The following ANXA4 variants were observed in gnomAD, a reference collection of about 807,000 sequenced individuals.
ANXA4 encodes the protein annexin A4.
A neutral mutation model predicts 49.8 loss-of-function variants in ANXA4; 39 were observed. That is an observed-to-expected ratio of 0.78 (90% confidence interval 0.61 to 1.02). The LOEUF is 1.02. Among genes scored for constraint, ANXA4 ranks in the 50% least tolerant of loss-of-function variants. The probability of loss-of-function intolerance (pLI) is 0.00; values close to 1 mark genes in which losing one functional copy is unlikely to be tolerated. For missense variants in ANXA4, 360 were observed against 410.1 expected, an observed-to-expected ratio of 0.88 and a Z score of 1.05; for synonymous variants, 134 against 152.5, an observed-to-expected ratio of 0.88 and a Z score of 0.89.
intron 2 of ANXA4, among the ~76,000 whole-genome samples, chr2:69,662,882 A>G (rs1676773305): frequency 6.6e-6 from 1 of 152,110 alleles, no homozygotes; most frequent in Non-Finnish European, 1.5e-5. Flanking sequence ...AAAATATAAA[A>G]TACTCATGTA....
At chr2:69,819,255 TTTC>T (rs780360988) in intron 10 of ANXA4, 22 bp from the exon 11 acceptor site, 11 of 1,552,510 alleles carry the variant, frequency 7.1e-6, no homozygotes, top group East Asian at 2.3e-5. Context: ...AATCTTTTCA[TTTC>T]TTCTTTTTTT....
At chr2:69,810,545 T>C in intron 6 of ANXA4, 49 bp from the exon 7 acceptor site, 2 of 1,505,176 alleles carry the variant, frequency 1.3e-6, no homozygotes, top group Non-Finnish European at 1.8e-6. Flanking sequence ...TGACAGGGCA[T>C]TGGGCAAGAC....
intron 2 of ANXA4, chr2:69,713,550 A>G (rs1678751250): frequency 6.6e-6 from 1 of 152,234 alleles, no homozygotes; most frequent in Admixed American, 6.5e-5. Flanking sequence ...CAATTTAAAA[A>G]GTAAAGTCAA....
chr2:69,748,303 C>T (rs535439681), intron 1 of ANXA4, among the ~76,000 whole-genome samples: 1 of 151,302 alleles, frequency 6.6e-6, no homozygotes, highest in Admixed American at 6.6e-5. Context: ...GGTGTGAACC[C>T]GGGAGGCAGA....
upstream of ANXA4, among the ~76,000 whole-genome samples, chr2:69,740,912 G>A (rs1350816628): frequency 2.2e-5 from 3 of 137,124 alleles, no homozygotes; most frequent in African/African-American, 8.3e-5. Flanking sequence ...GGCTTATCTC[G>A]AACTCCTGGG....
chr2:69,776,663 G>A (rs543925790), intron 1 of ANXA4, among the ~76,000 whole-genome samples: 5 of 152,178 alleles, frequency 3.3e-5, no homozygotes, highest in South Asian at 2.1e-4. Context: ...CCAATCTTTC[G>A]GCTTCCCTGG....
chr2:69,690,009 C>T (rs1157899296), intron 2 of ANXA4, among the ~76,000 whole-genome samples: 1 of 151,776 alleles, frequency 6.6e-6, no homozygotes, highest in Non-Finnish European at 1.5e-5. Flanking sequence ...TTTTTTCTAC[C>T]TTGTTTTGTT....
rs144076445 is a variant in ANXA4, at chr2:69,768,722, CT to C, written c.-46-12796del. Among the ~76,000 whole-genome samples, 1,082 of 152,282 alleles carry C rather than the reference CT, an allele frequency of 7.1e-3. 5 individuals carry two copies. Among genetic ancestry groups the C allele is most frequent in the East Asian group, 0.05 (260 of 5,188 alleles). On this transcript the variant is annotated intron_variant, in intron 1 of 12. Transcript: ENST00000394295. Reference sequence around the variant, plus strand: ...ATAATCAGCATTACTACCACATCAGCTTCTTGTTTCTCAGGTCACTGGACTG... The same window carrying C: ...ATAATCAGCATTACTACCACATCAGCTCTTGTTTCTCAGGTCACTGGACTG...
intron 2 of ANXA4, among the ~76,000 whole-genome samples, chr2:69,787,529 G>T (rs1304005982): frequency 6.6e-6 from 1 of 152,200 alleles, no homozygotes; most frequent in Admixed American, 6.5e-5. Flanking sequence ...GGCTTGACTG[G>T]ATTCAGGTTT....
At chr2:69,761,645 G>A (rs1468496080) in intron 1 of ANXA4, among the ~76,000 whole-genome samples, 1 of 152,094 alleles carries the variant, frequency 6.6e-6, no homozygotes, top group Non-Finnish European at 1.5e-5. Flanking sequence ...ACGTAGCTGG[G>A]TGCAGTGGCT....
intron 1 of ANXA4, among the ~76,000 whole-genome samples, chr2:69,766,757 G>A (rs1009774738): frequency 1.3e-5 from 2 of 152,166 alleles, no homozygotes; most frequent in African/African-American, 4.8e-5. Context: ...CCTTGGGTCA[G>A]CTGACAGAAC....
chr2:69,718,788 T>TAC (rs1283067258), intron 2 of ANXA4, among the ~76,000 whole-genome samples: 7 of 149,172 alleles, frequency 4.7e-5, no homozygotes, highest in African/African-American at 1.8e-4. Flanking sequence ...CACACATGCA[T>TAC]ACACATACGT....
intron 2 of ANXA4, among the ~76,000 whole-genome samples, chr2:69,696,798 G>A (rs1406304684): frequency 6.6e-6 from 1 of 152,184 alleles, no homozygotes; most frequent in African/African-American, 2.4e-5. Context: ...GCATTGTCAA[G>A]AAGCAGTAAT....
rs868087613 is a variant in ANXA4, at chr2:69,771,135, A to G, written c.-46-10385A>G. Among the ~76,000 whole-genome samples, 8 of 151,944 alleles carry G rather than the reference A, an allele frequency of 5.3e-5. No homozygotes were observed. In the South Asian group the frequency reaches 8.3e-4, roughly 16 times the overall value. ...AAAAAAAAAAAAAAAAGAAAGGAAA[A>G]ATATTATTTAGGCAAAAATCCTCAT... On this transcript the variant is annotated intron_variant, in intron 1 of 12. Coordinates refer to ENST00000394295, the MANE Select transcript of ANXA4 (RefSeq NM_001153.5).
intron 1 of ANXA4, among the ~76,000 whole-genome samples, chr2:69,771,712 A>G (rs1671725462): frequency 2.0e-5 from 3 of 152,364 alleles, no homozygotes; most frequent in African/African-American, 7.2e-5. Context: ...CATTTCTGGC[A>G]GATACAACTG....
chr2:69,777,681 A>G (rs1291679013), intron 1 of ANXA4, among the ~76,000 whole-genome samples: 1 of 152,202 alleles, frequency 6.6e-6, no homozygotes, highest in African/African-American at 2.4e-5. Context: ...CAGTAAGCCA[A>G]TTTCTGCTGC....
chr2:69,706,582 A>G (rs1390524454), intron 2 of ANXA4, among the ~76,000 whole-genome samples: 2 of 152,052 alleles, frequency 1.3e-5, no homozygotes, highest in African/African-American at 2.4e-5. Context: ...GATTACAGGC[A>G]TGAGCCACCG....
chr2:69,757,434 T>A (rs77574387), intron 1 of ANXA4, among the ~76,000 whole-genome samples: 1 of 139,674 alleles, frequency 7.2e-6, no homozygotes, highest in Non-Finnish European at 1.5e-5. Flanking sequence ...CCACGCCTAA[T>A]TTTTTGTTTT....
At chr2:69,798,977 G>C (rs1236820558) in intron 3 of ANXA4, among the ~76,000 whole-genome samples, 1 of 152,200 alleles carries the variant, frequency 6.6e-6, no homozygotes, top group East Asian at 1.9e-4. Flanking sequence ...CAGTCACAGA[G>C]AGGGGTCCCG....
Sources: allele counts gnomAD v4.1 joint callset (sites outside exome capture counted in the v4.1 genomes callset), GRCh38; gene constraint gnomAD v4.1.1; transcripts MANE v1.5; gene names NCBI Gene and HGNC (gene_info 2026-07-23, HGNC 2026-07-21).